Variants in ATG10 observed in about 807,000 individuals in gnomAD.
ATG10 encodes autophagy related 10.
Under a neutral mutation model 32.1 loss-of-function variants are expected in ATG10, and 30 were observed. That is an observed-to-expected ratio of 0.94 (90% confidence interval 0.70 to 1.27). The LOEUF is 1.27. Among genes scored for constraint, ATG10 ranks in the 50% most tolerant of loss-of-function variants. The probability of loss-of-function intolerance (pLI) is 0.00; values close to 1 mark genes in which losing one functional copy is unlikely to be tolerated. For synonymous variants in ATG10, 87 were observed against 91.5 expected, an observed-to-expected ratio of 0.95 and a Z score of 0.28; for missense variants, 233 against 262.3, an observed-to-expected ratio of 0.89 and a Z score of 0.77.
chr5:82,158,302 G>C (rs1767889559), intron 3 of ATG10, among the ~76,000 whole-genome samples: 1 of 151,898 alleles, frequency 6.6e-6, no homozygotes, highest in African/African-American at 2.4e-5. Context: ...TCAATATATT[G>C]TGACTTCTTT....
Position 81,993,347 on chromosome 5 carries a change from C to CT in ATG10, c.108+5672dup, listed in dbSNP as rs766354997. 0.015 allele frequency among the ~76,000 whole-genome samples: 479 copies of CT among 31,696 alleles called. 56 individuals carry two copies. The East Asian group carries it at 0.2, about 13-fold the overall frequency. 20.8% of individuals were successfully genotyped at this position (31,696 alleles called of 152,430 possible). A position where few individuals can be genotyped will look rare whatever the true frequency, so the allele number is the denominator to read the frequency against. On this transcript the variant is annotated intron_variant, in intron 2 of 7. Coordinates refer to ENST00000282185, the MANE Select transcript of ATG10 (RefSeq NM_031482.5). ...TCTTTCCTTCCTTCCTTCTTTCTTT[C>CT]TTTCTTTCTTTCCTTCTTTTCTTTT...
In ATG10 at chr5:82,000,883, G is replaced by A. The variant is rs1034933113; in HGVS notation, c.108+13205G>A. Reference sequence around the variant, plus strand: ...TGTTGGCTACCCTGGTCTTGAACTCGTGACCACAGGTGATCTGCTCGCCTT... The same window carrying A: ...TGTTGGCTACCCTGGTCTTGAACTCATGACCACAGGTGATCTGCTCGCCTT... On this transcript the variant is annotated intron_variant, in intron 2 of 7. Transcript: ENST00000282185. Among the ~76,000 whole-genome samples, 7 of 152,154 alleles carry A rather than the reference G, an allele frequency of 4.6e-5. No individual in the cohort carries two copies. The South Asian group carries it at 6.2e-4, about 14-fold the overall frequency.
chr5:82,234,288 T>G (rs1746477507), intron 5 of ATG10, among the ~76,000 whole-genome samples: 1 of 152,210 alleles, frequency 6.6e-6, no homozygotes, highest in African/African-American at 2.4e-5. Context: ...AAAATAGTCC[T>G]TAAACTAAAG....
chr5:82,199,274 G>C (rs1744975570), intron 5 of ATG10, among the ~76,000 whole-genome samples: 1 of 152,092 alleles, frequency 6.6e-6, no homozygotes, highest in African/African-American at 2.4e-5. Context: ...TTATTTCTTG[G>C]TAGAATTTGT....
At chr5:82,202,562 C>A (rs1296187062) in intron 5 of ATG10, among the ~76,000 whole-genome samples, 1 of 152,158 alleles carries the variant, frequency 6.6e-6, no homozygotes, top group Non-Finnish European at 1.5e-5. Context: ...ATTGAGGGAT[C>A]CATTACTCCA....
At chr5:82,147,990 T>G (rs1475043660) in intron 3 of ATG10, 2 of 152,242 alleles carry the variant, frequency 1.3e-5, no homozygotes, top group Non-Finnish European at 2.9e-5. Context: ...AATTTATATC[T>G]GTTATTTGTA....
chr5:82,036,190 A>G (rs967010265), intron 2 of ATG10, among the ~76,000 whole-genome samples: 10 of 152,156 alleles, frequency 6.6e-5, no homozygotes, highest in Admixed American at 4.6e-4. Flanking sequence ...TCTGACCCCA[A>G]ATCCCCAATT....
At chr5:82,211,787 G>C (rs1277380778) in intron 5 of ATG10, among the ~76,000 whole-genome samples, 1 of 152,144 alleles carries the variant, frequency 6.6e-6, no homozygotes. Context: ...ACTTCATTGG[G>C]TTCTTCATCC....
At chr5:82,205,451 G>T (rs1374844784) in intron 5 of ATG10, among the ~76,000 whole-genome samples, 1 of 152,184 alleles carries the variant, frequency 6.6e-6, no homozygotes, top group African/African-American at 2.4e-5. Flanking sequence ...AGGAAGGGAA[G>T]ATAGGAGGAA....
At chr5:82,050,115 C>T (rs1763364038) in intron 2 of ATG10, among the ~76,000 whole-genome samples, 1 of 151,942 alleles carries the variant, frequency 6.6e-6, no homozygotes, top group South Asian at 2.1e-4. Flanking sequence ...CATTGTTGTT[C>T]TATAACTTAC....
chr5:82,025,990 A>C (rs1762582831), intron 2 of ATG10, among the ~76,000 whole-genome samples: 1 of 152,218 alleles, frequency 6.6e-6, no homozygotes, highest in African/African-American at 2.4e-5. Flanking sequence ...GGTAAAAAAC[A>C]TGACAACTCA....
At chr5:82,006,205 C>A (rs987172716) in intron 2 of ATG10, among the ~76,000 whole-genome samples, 1 of 152,066 alleles carries the variant, frequency 6.6e-6, no homozygotes, top group African/African-American at 2.4e-5. Flanking sequence ...TTCTAAAAAT[C>A]TCCATATTTT....
chr5:82,158,666 C>T (rs1003629126), intron 3 of ATG10, among the ~76,000 whole-genome samples: 2 of 151,838 alleles, frequency 1.3e-5, no homozygotes, highest in Non-Finnish European at 2.9e-5. Flanking sequence ...TGGAGCCAAT[C>T]CCCCGTGTAT....
chr5:82,255,431 A>G lies in ATG10; in HGVS notation c.*1368A>G, dbSNP rs577111954. On this transcript the variant is annotated 3_prime_UTR_variant, in exon 8 of 8. Coordinates refer to ENST00000282185, the MANE Select transcript of ATG10 (RefSeq NM_031482.5). ...GTTGCTTGTTTTGTTTTTTGCTTTC[A>G]TTTGCTAGGAGCTGAAACGAAGATT... 6.6e-6 allele frequency: 1 copy of G among 151,902 alleles called. No individual in the cohort carries two copies. The highest frequency in any genetic ancestry group is 2.1e-4 in the South Asian group (1 of 4,810). The allele number at this position is 151,902 out of a possible 1,614,324, so 9.4% of individuals were successfully genotyped here. A position where few individuals can be genotyped will look rare whatever the true frequency, so the allele number is the denominator to read the frequency against.
At chr5:82,176,596 G>A (rs914016730) in intron 4 of ATG10, among the ~76,000 whole-genome samples, 1 of 151,840 alleles carries the variant, frequency 6.6e-6, no homozygotes, top group South Asian at 2.1e-4. Flanking sequence ...ACAGACACAC[G>A]CACACACATA....
intron 3 of ATG10, among the ~76,000 whole-genome samples, chr5:82,145,559 T>G (rs1241775372): frequency 6.6e-6 from 1 of 152,188 alleles, no homozygotes. Flanking sequence ...ATCCTTTATA[T>G]AATAGTTGTC....
At chr5:82,205,059 G>A (rs1021643068) in intron 5 of ATG10, among the ~76,000 whole-genome samples, 1 of 152,306 alleles carries the variant, frequency 6.6e-6, no homozygotes, top group African/African-American at 2.4e-5. Flanking sequence ...AGAAGTGTAC[G>A]AGGAAACACA....
At chr5:82,196,748 A>T (rs1044740455) in intron 5 of ATG10, among the ~76,000 whole-genome samples, 12 of 152,128 alleles carry the variant, frequency 7.9e-5, no homozygotes, top group Non-Finnish European at 1.5e-4. Flanking sequence ...ACTGTTTCAT[A>T]TGCCTATCCT....
intron 2 of ATG10, among the ~76,000 whole-genome samples, chr5:82,021,031 A>T (rs143116607): frequency 5.9e-5 from 9 of 152,156 alleles, no homozygotes; most frequent in African/African-American, 2.2e-4. Context: ...AACAGAGATT[A>T]CTTCTTTTAT....
Sources: gnomAD v4.1 joint callset for allele counts (sites outside exome capture counted in the v4.1 genomes callset) on GRCh38, gnomAD v4.1.1 for gene constraint, MANE v1.5 for transcripts, NCBI Gene and HGNC (gene_info 2026-07-23, HGNC 2026-07-21) for gene names.